Variants in PPAN observed in about 807,000 individuals in gnomAD.
The protein encoded by PPAN is peter pan homolog.
PPAN carries 39 observed loss-of-function variants against 48.5 expected under a neutral mutation model. The ratio of observed to expected loss-of-function variants is 0.80; its 90% CI spans 0.62 to 1.05. PPAN has a LOEUF of 1.05. Ranked by LOEUF, PPAN falls within the 50% of genes least tolerant of loss-of-function variation. The pLI is 0.00. For missense variants in PPAN, 736 were observed against 661.7 expected (o/e 1.11, Z -1.23); for synonymous variants, 315 against 268.6 (o/e 1.17, Z -1.69).
In PPAN at chr19:10,106,378, G is replaced by C; in HGVS notation, c.-17G>C. 6.5e-7 allele frequency: 1 copy of C among 1,549,470 alleles called. No homozygotes were observed. Among genetic ancestry groups the C allele is most frequent in the South Asian group, 1.2e-5 (1 of 83,928 alleles). ...GGAAGCGGCGGACGCAGGAGGCCTC[G>C]TGGAGGACACAGCAGCATGGGACAG... On this transcript the variant is annotated 5_prime_UTR_variant, in exon 1 of 12. Transcript: ENST00000253107.
chr19:10,107,905 G>C, intron 4 of PPAN, 51 bp downstream of exon 4: 2 of 1,603,988 alleles, frequency 1.2e-6, no homozygotes, highest in Non-Finnish European at 1.7e-6. Context: ...AGCTGGACTT[G>C]GGGTTGTCCG....
Position 10,106,391 on chromosome 19 carries a change from C to T in PPAN, c.-4C>T, listed in dbSNP as rs1199583006. 1.9e-6 allele frequency: 3 copies of T among 1,549,336 alleles called. No homozygotes were observed. The African/African-American group carries it at 4.1e-5, about 21-fold the overall frequency. On this transcript the variant is annotated 5_prime_UTR_variant, in exon 1 of 12. Coordinates refer to ENST00000253107, the MANE Select transcript of PPAN (RefSeq NM_020230.7). ...GCAGGAGGCCTCGTGGAGGACACAG[C>T]AGCATGGGACAGTCAGGGAGGGTAA...
chr19:10,110,602 G>A lies in PPAN; in HGVS notation c.1019G>A (p.Arg340Gln), dbSNP rs755091695. Residue 340 changes from arginine to glutamine, a missense_variant, in exon 10 of 12, where the codon CGG becomes CAG. Arg to Gln is a conservative substitution (Grantham distance 43). Coordinates refer to ENST00000253107, the MANE Select transcript of PPAN (RefSeq NM_020230.7). The surrounding 1 kb of genome is among the most constrained non-coding windows in gnomAD (Gnocchi z 5.9). ...AQNVQRKQEQ[R>Q]EAHRKKSLEG... ...AATGTGCAGCGCAAGCAGGAGCAGC[G>A]GGAGGCCCACAGGTCCAGGCAGAGC... 4.0e-5 allele frequency: 64 copies of A among 1,604,238 alleles called. 1 individual carries two copies. Among genetic ancestry groups the A allele is most frequent in the Middle Eastern group, 1.7e-4 (1 of 6,014 alleles).
upstream of PPAN, chr19:10,106,321 T>C: frequency 1.3e-6 from 2 of 1,545,060 alleles, no homozygotes; most frequent in Non-Finnish European, 1.7e-6. Context: ...CCGTGCCGGC[T>C]CTCAGGCGCC....
chr19:10,107,540 A>T lies in PPAN; in HGVS notation c.225A>T (p.Ala75=). The change falls in exon 3 of 12, where the codon GCA becomes GCT. Residue 75 remains alanine (A), a synonymous_variant. Coordinates refer to ENST00000253107, the MANE Select transcript of PPAN (RefSeq NM_020230.7). The part of the protein sequence containing the change: ...RKKNSLKDCV[A]VAGPLGVTHF... ...AGAACTCGCTGAAGGACTGCGTGGC[A>T]GTGGCTGGGCCCCTCGGGGTCACAC... 2 of 1,614,118 alleles carry T rather than the reference A, an allele frequency of 1.2e-6. No individual in the cohort carries two copies. The highest frequency in any genetic ancestry group is 1.7e-6 in the Non-Finnish European group (2 of 1,180,036).
Position 10,110,936 on chromosome 19 carries a change from T to TC in PPAN, c.1202-5dup. 6.2e-7 allele frequency: 1 copy of TC among 1,613,264 alleles called. No individual in the cohort carries two copies. Among genetic ancestry groups the TC allele is most frequent in the Non-Finnish European group, 8.5e-7 (1 of 1,179,866 alleles). On this transcript the variant is annotated splice_polypyrimidine_tract_variant and intron_variant, in intron 11 of 11. Coordinates refer to ENST00000253107, the MANE Select transcript of PPAN (RefSeq NM_020230.7). The surrounding 1 kb of genome is among the most constrained non-coding windows in gnomAD (Gnocchi z 5.9). ...TCTCTGGGGGCCCTGACACTGTCTC[T>TC]CCCCACAGACCTGTTCCCCGAGGCC... is the stretch of plus-strand genomic sequence containing the variant.
chr19:10,108,275 C>A, intron 5 of PPAN, 141 bp downstream of exon 5: 1 of 1,289,532 alleles, frequency 7.8e-7, no homozygotes, highest in Non-Finnish European at 1.0e-6. Context: ...TCAAATCCCA[C>A]TCCTGTGTCT....
intron 5 of PPAN, among the ~76,000 whole-genome samples, chr19:10,109,164 G>A (rs1440693047): frequency 3.3e-5 from 5 of 151,936 alleles, no homozygotes; most frequent in South Asian, 2.1e-4. Context: ...GGATTTCACC[G>A]TGTTAGCCAG....
intron 3 of PPAN, 47 bp from the exon 4 acceptor site, chr19:10,107,756 AC>A (rs752621776): frequency 6.2e-7 from 1 of 1,613,462 alleles, no homozygotes; most frequent in African/African-American, 1.3e-5. Context: ...TACTCCGGGC[AC>A]CTCTGCTAGA....
Position 10,107,957 on chromosome 19 carries a change from C to A in PPAN, c.343-7C>A. On this transcript the variant is annotated splice_polypyrimidine_tract_variant and splice_region_variant and intron_variant, in intron 4 of 11. Coordinates refer to ENST00000253107, the MANE Select transcript of PPAN (RefSeq NM_020230.7). ...GTGGTCACCCCCTCCTCTCTCCTGTCCTACAGTACTCGCTGGTGCGTGATG... is the reference window on the plus strand; with the variant it reads ...GTGGTCACCCCCTCCTCTCTCCTGTACTACAGTACTCGCTGGTGCGTGATG... The A allele has an allele frequency of 6.2e-7, 1 of 1,604,542 alleles. No individual in the cohort carries two copies.
At position 10,111,173 on chromosome 19, in the gene PPAN, C is replaced by T. The variant is rs1451434949; in HGVS notation, c.*8C>T. 2 of 1,563,718 alleles carry T rather than the reference C, an allele frequency of 1.3e-6. No homozygotes were observed. Among genetic ancestry groups the T allele is most frequent in the East Asian group, 2.3e-5 (1 of 42,894 alleles). The stretch of plus-strand genomic sequence containing the variant: ...GGGAAGAGAGTGGCCTGAGCCCAAG[C>T]CGCACCGGAGCAGCGGCTGGATTGA... On this transcript the variant is annotated 3_prime_UTR_variant, in exon 12 of 12. Transcript: ENST00000253107.
chr19:10,110,400 T>G lies in PPAN; in HGVS notation c.899T>G (p.Phe300Cys). The change falls in exon 9 of 12, where the codon TTT becomes TGT. Residue 300 changes from phenylalanine to cysteine, a missense_variant and splice_region_variant. Transcript: ENST00000253107. The surrounding 1 kb of genome is among the most constrained non-coding windows in gnomAD (Gnocchi z 5.9). ...GAGGGCAAAGTGATGTTCCACAGTT[T>G]TGGTGAGGCCGGGGCCGCCGGGGGT... Reference protein sequence around the residue: ...VGEGKVMFHSFVSKTEEELQA... With the variant: ...VGEGKVMFHSCVSKTEEELQA... 1 of 1,613,456 alleles carries G rather than the reference T, an allele frequency of 6.2e-7. No individual in the cohort carries two copies. Among genetic ancestry groups the G allele is most frequent in the Non-Finnish European group, 8.5e-7 (1 of 1,179,910 alleles).
Position 10,111,015 on chromosome 19 carries a change from G to C in PPAN, c.1272G>C (p.Met424Ile). The change falls in exon 12 of 12, where the codon ATG becomes ATC. Residue 424 changes from methionine (M) to isoleucine (I), a missense_variant. Transcript: ENST00000253107. ...GGCGGAAGCGGAAGCGGTGGGAAATGGATCGAGGCAGGGGTCGCCTTTGTG... is the reference window on the plus strand; with the variant it reads ...GGCGGAAGCGGAAGCGGTGGGAAATCGATCGAGGCAGGGGTCGCCTTTGTG... Reference protein sequence around the residue: ...SPGRKRKRWEMDRGRGRLCDQ... With the variant: ...SPGRKRKRWEIDRGRGRLCDQ... The C allele has an allele frequency of 6.2e-7, 1 of 1,613,586 alleles. No individual in the cohort carries two copies. The highest frequency in any genetic ancestry group is 8.5e-7 in the Non-Finnish European group (1 of 1,179,968).
chr19:10,106,777 G>C (rs1214880158), intron 2 of PPAN, 106 bp downstream of exon 2: 11 of 1,426,740 alleles, frequency 7.7e-6, no homozygotes, highest in Non-Finnish European at 1.0e-5. Context: ...AGTCTCCCCA[G>C]CTGGAAAAAA....
chr19:10,106,394 C>T lies in PPAN; in HGVS notation c.-1C>T, dbSNP rs980589460. 3 of 1,549,806 alleles carry T rather than the reference C, an allele frequency of 1.9e-6. No individual in the cohort carries two copies. Among genetic ancestry groups the T allele is most frequent in the African/African-American group, 1.4e-5 (1 of 73,108 alleles). ...GGAGGCCTCGTGGAGGACACAGCAGCATGGGACAGTCAGGGAGGGTAAGGC... is the reference window on the plus strand; with the variant it reads ...GGAGGCCTCGTGGAGGACACAGCAGTATGGGACAGTCAGGGAGGGTAAGGC... On this transcript the variant is annotated 5_prime_UTR_variant, in exon 1 of 12. Coordinates refer to ENST00000253107, the MANE Select transcript of PPAN (RefSeq NM_020230.7).
Position 10,110,223 on chromosome 19 carries a change from C to T in PPAN, c.799C>T (p.Gln267Ter), listed in dbSNP as rs1040502321. ...TGGCCGTGGCAACATGCGGGCCCAG[C>T]AGAGTGCAGTGCGGCTCACCGAGGT... ...VAGRGNMRAQ[Q>*]SAVRLTEIGP... Residue 267 changes from glutamine to a stop codon, truncating the protein, a stop_gained, in exon 8 of 12, where the codon CAG becomes TAG. Transcript: ENST00000253107. LOFTEE classifies it high-confidence loss of function. This position sits in a 1 kb window ranked among gnomAD's most constrained non-coding sequence, Gnocchi z 5.9. The T allele has an allele frequency of 6.2e-7, 1 of 1,611,478 alleles. No individual in the cohort carries two copies. The highest frequency in any genetic ancestry group is 2.2e-5 in the East Asian group (1 of 44,870).
In PPAN at chr19:10,111,267, T is replaced by C; in HGVS notation, c.*102T>C. The stretch of plus-strand genomic sequence containing the variant: ...CATAAAGGAGTTGTGTCCCCAGCCC[T>C]TCCACTCCAGTAAAGAACTGAATTG... On this transcript the variant is annotated 3_prime_UTR_variant, in exon 12 of 12. Transcript: ENST00000253107. 1 of 1,291,594 alleles carries C rather than the reference T, an allele frequency of 7.7e-7. No homozygotes were observed. Among genetic ancestry groups the C allele is most frequent in the Non-Finnish European group, 1.0e-6 (1 of 966,602 alleles). 80.0% of individuals were successfully genotyped at this position (1,291,594 alleles called of 1,614,324 possible).
rs765922628 is a variant in PPAN, at chr19:10,111,130, C to T, written c.1387C>T (p.Arg463Trp). 6.2e-6 allele frequency: 10 copies of T among 1,603,776 alleles called. No individual in the cohort carries two copies. Among genetic ancestry groups the T allele is most frequent in the African/African-American group, 4.0e-5 (3 of 74,666 alleles). Reference sequence around the variant, plus strand: ...GGCTTCCCGGGATGGTGGGCGAGGCCGGGGCCGGGGCCGCCCAGGGAAGAG... The same window carrying T: ...GGCTTCCCGGGATGGTGGGCGAGGCTGGGGCCGGGGCCGCCCAGGGAAGAG... The part of the protein sequence containing the change: ...RGASRDGGRG[R>W]GRGRPGKRVA Residue 463 changes from arginine (R) to tryptophan (W), a missense_variant, in exon 12 of 12, where the codon CGG becomes TGG. Physicochemically the swap from Arg to Trp is moderately radical, Grantham distance 101 (BLOSUM62 -3). Transcript: ENST00000253107.
At chr19:10,109,607 T>C (rs746942970) in intron 5 of PPAN, 24 bp from the exon 6 acceptor site, 1 of 1,607,500 alleles carries the variant, frequency 6.2e-7, no homozygotes, top group Admixed American at 1.7e-5. Flanking sequence ...TCTACTGGAC[T>C]ATGCTCTCTT....
Sources: gnomAD v4.1 joint callset for allele counts (sites outside exome capture counted in the v4.1 genomes callset) on GRCh38, gnomAD v4.1.1 for gene constraint, Gnocchi (gnomAD v3.1) non-coding constraint, MANE v1.5 for transcripts, NCBI Gene and HGNC (gene_info 2026-07-23, HGNC 2026-07-21) for gene names.